Variants in SAMD12 observed in about 807,000 individuals in gnomAD.
SAMD12 encodes sterile alpha motif domain containing 12.
SAMD12 carries 9 observed loss-of-function variants against 15.0 expected under a neutral mutation model. That is an observed-to-expected ratio of 0.60 (90% CI 0.36 to 1.05). SAMD12 has a LOEUF of 1.05. Among genes scored for constraint, SAMD12 ranks in the 50% least tolerant of loss-of-function variants. The probability of loss-of-function intolerance (pLI) is 0.01; values close to 1 mark genes in which losing one functional copy is unlikely to be tolerated. For synonymous variants in SAMD12, 86 were observed against 90.1 expected (o/e 0.96, Z 0.25); for missense variants, 230 against 234.2 (o/e 0.98, Z 0.12).
intron 4 of SAMD12, among the ~76,000 whole-genome samples, chr8:118,263,433 A>G (rs1238665067): frequency 6.6e-6 from 1 of 151,936 alleles, no homozygotes; most frequent in Non-Finnish European, 1.5e-5. Flanking sequence ...GAAATGTGAA[A>G]CTCTTCAGAC....
At chr8:118,296,719 C>T (rs184392585) in intron 4 of SAMD12, among the ~76,000 whole-genome samples, 37 of 152,296 alleles carry the variant, frequency 2.4e-4, no homozygotes, top group East Asian at 2.1e-3. Flanking sequence ...GTATTCATCA[C>T]CTATTATCAA....
At chr8:118,620,483 G>A (rs1233500840) in intron 1 of SAMD12, among the ~76,000 whole-genome samples, 1 of 147,646 alleles carries the variant, frequency 6.8e-6, no homozygotes, top group South Asian at 2.2e-4. Flanking sequence ...AATCTTGATT[G>A]TAAGAGAGAG....
At chr8:118,593,394 G>A (rs1827636214) in intron 1 of SAMD12, among the ~76,000 whole-genome samples, 1 of 152,146 alleles carries the variant, frequency 6.6e-6, no homozygotes, top group African/African-American at 2.4e-5. Context: ...CTGACAAGAT[G>A]CCATCAGAGG....
intron 3 of SAMD12, among the ~76,000 whole-genome samples, chr8:118,435,032 G>A (rs1000208253): frequency 3.6e-5 from 1 of 27,568 alleles, no homozygotes; most frequent in Non-Finnish European, 1.2e-4. Context: ...GAACCCGGGA[G>A]GCGGAGCTTG....
At chr8:118,240,856 A>G (rs1405918851) in intron 4 of SAMD12, among the ~76,000 whole-genome samples, 1 of 152,154 alleles carries the variant, frequency 6.6e-6, no homozygotes, top group Admixed American at 6.5e-5. Flanking sequence ...AGAGTCAACC[A>G]GCAGTTGACT....
At chr8:118,227,867 C>A (rs1441158021) in intron 4 of SAMD12, among the ~76,000 whole-genome samples, 1 of 152,158 alleles carries the variant, frequency 6.6e-6, no homozygotes, top group East Asian at 1.9e-4. Flanking sequence ...AGACATCACA[C>A]TACCTGATTT....
At chr8:118,338,140 G>A (rs546942479) in intron 4 of SAMD12, among the ~76,000 whole-genome samples, 1 of 152,280 alleles carries the variant, frequency 6.6e-6, no homozygotes, top group South Asian at 2.1e-4. Context: ...CAGGATAGCA[G>A]ATCACACAGA....
At chr8:118,464,302 A>C (rs1309893060) in intron 2 of SAMD12, among the ~76,000 whole-genome samples, 1 of 152,194 alleles carries the variant, frequency 6.6e-6, no homozygotes, top group Admixed American at 6.5e-5. Flanking sequence ...ATTCGCTTTC[A>C]AGAATCTTGT....
At chr8:118,238,944 C>A (rs938321907) in intron 4 of SAMD12, among the ~76,000 whole-genome samples, 2 of 151,956 alleles carry the variant, frequency 1.3e-5, no homozygotes, top group African/African-American at 4.8e-5. Context: ...CAACATTATA[C>A]CAATATGGTG....
At chr8:118,525,793 A>G (rs577894608) in intron 2 of SAMD12, among the ~76,000 whole-genome samples, 50 of 152,326 alleles carry the variant, frequency 3.3e-4, no homozygotes, top group African/African-American at 1.2e-3. Flanking sequence ...AGCTCATAAG[A>G]AAACATGTCT....
intron 2 of SAMD12, among the ~76,000 whole-genome samples, chr8:118,534,669 T>C (rs938765718): frequency 6.6e-6 from 1 of 152,222 alleles, no homozygotes; most frequent in Non-Finnish European, 1.5e-5. Context: ...TCTAAATTTC[T>C]CTTTTTGCTT....
chr8:118,156,470 A>G, the SAMD12 span, among the ~76,000 whole-genome samples: 1 of 152,212 alleles, frequency 6.6e-6, no homozygotes, highest in Non-Finnish European at 1.5e-5. Flanking sequence ...TCAAGGCTCC[A>G]TGTGGGCCAG....
chr8:118,615,714 A>C (rs1322141193), intron 1 of SAMD12, among the ~76,000 whole-genome samples: 1 of 152,206 alleles, frequency 6.6e-6, no homozygotes, highest in Admixed American at 6.5e-5. Context: ...ACACCAGCAA[A>C]GGTTTCCCAG....
the SAMD12 span, among the ~76,000 whole-genome samples, chr8:118,163,502 C>T: frequency 6.6e-6 from 1 of 152,188 alleles, no homozygotes; most frequent in Non-Finnish European, 1.5e-5. Context: ...ACTGGTTGTG[C>T]ATTAGAACCA....
chr8:118,323,229 T>C (rs575077462), intron 4 of SAMD12, among the ~76,000 whole-genome samples: 8 of 152,342 alleles, frequency 5.3e-5, no homozygotes, highest in Non-Finnish European at 8.8e-5. Context: ...TTGGAATATA[T>C]TTGTTACAGC....
chr8:118,553,820 TCAAA>T (rs1159594753), intron 2 of SAMD12, among the ~76,000 whole-genome samples: 1 of 148,148 alleles, frequency 6.8e-6, no homozygotes, highest in East Asian at 1.9e-4. Flanking sequence ...TACAATGAAC[TCAAA>T]CAAATTTACA....
At chr8:118,411,584 A>C (rs1252479657) in intron 3 of SAMD12, among the ~76,000 whole-genome samples, 2 of 151,722 alleles carry the variant, frequency 1.3e-5, no homozygotes, top group African/African-American at 4.9e-5. Context: ...GTCCCAAAGC[A>C]GTCTCACAGG....
At chr8:118,565,604 G>T (rs1648298173) in intron 2 of SAMD12, among the ~76,000 whole-genome samples, 1 of 152,144 alleles carries the variant, frequency 6.6e-6, no homozygotes, top group African/African-American at 2.4e-5. Context: ...ATCTTTAGTT[G>T]AGATCTCTTT....
chr8:118,288,180 T>G (rs1480143570), intron 4 of SAMD12: 2 of 152,154 alleles, frequency 1.3e-5, no homozygotes, highest in African/African-American at 4.8e-5. Context: ...TTTGTAGATA[T>G]TATCTTTAAT....
Sources: allele counts gnomAD v4.1 joint callset (sites outside exome capture counted in the v4.1 genomes callset), GRCh38; gene constraint gnomAD v4.1.1; transcripts MANE v1.5; gene names NCBI Gene and HGNC (gene_info 2026-07-23, HGNC 2026-07-21).